Variants in LRRC4C observed in about 807,000 individuals in gnomAD.
LRRC4C encodes the protein leucine rich repeat containing 4C, also known as leucine-rich repeat-containing protein 4C.
Under a neutral mutation model 33.6 loss-of-function variants are expected in LRRC4C, and 5 were observed. The ratio of observed to expected loss-of-function variants is 0.15; its 90% CI spans 0.08 to 0.31. LRRC4C has a LOEUF of 0.31. Among genes scored for constraint, LRRC4C ranks in the 10% least tolerant of loss-of-function variants. The pLI, the probability that LRRC4C is intolerant of heterozygous loss-of-function variation, is 1.00. For missense variants in LRRC4C, 560 were observed against 796.7 expected, an observed-to-expected ratio of 0.70 and a Z score of 3.58; for synonymous variants, 329 against 302.0, an observed-to-expected ratio of 1.09 and a Z score of -0.93.
intron 3 of LRRC4C, among the ~76,000 whole-genome samples, chr11:40,390,260 A>C (rs1949284797): frequency 6.6e-6 from 1 of 152,204 alleles, no homozygotes; most frequent in Non-Finnish European, 1.5e-5. Context: ...GAGACAGTTA[A>C]AGAAGCATCA....
chr11:40,305,796 T>C (rs1944999947), intron 4 of LRRC4C, among the ~76,000 whole-genome samples: 2 of 152,262 alleles, frequency 1.3e-5, no homozygotes, highest in Admixed American at 6.5e-5. Flanking sequence ...AATAACCGGT[T>C]ACACCTGTTC....
intron 2 of LRRC4C, among the ~76,000 whole-genome samples, chr11:40,718,302 G>A: frequency 6.6e-6 from 1 of 152,122 alleles, no homozygotes; most frequent in Admixed American, 6.6e-5. Context: ...CAGGGATACA[G>A]CTAAACATTT....
intron 2 of LRRC4C, among the ~76,000 whole-genome samples, chr11:40,682,662 C>T (rs1229303679): frequency 6.6e-6 from 1 of 151,748 alleles, no homozygotes; most frequent in Non-Finnish European, 1.5e-5. Context: ...GTAATCCCAG[C>T]TACTTGGGAG....
At chr11:40,831,075 G>A (rs898762757) in intron 2 of LRRC4C, among the ~76,000 whole-genome samples, 3 of 152,074 alleles carry the variant, frequency 2.0e-5, no homozygotes, top group African/African-American at 4.8e-5. Context: ...TCACACAGTA[G>A]GCAATGGGTA....
intron 3 of LRRC4C, among the ~76,000 whole-genome samples, chr11:40,325,268 C>T (rs556569458): frequency 6.6e-6 from 1 of 152,214 alleles, no homozygotes; most frequent in African/African-American, 2.4e-5. Context: ...GAAACTACTT[C>T]AGTATTATTA....
intron 4 of LRRC4C, among the ~76,000 whole-genome samples, chr11:40,313,895 G>A (rs1308706107): frequency 6.6e-6 from 1 of 151,996 alleles, no homozygotes; most frequent in Non-Finnish European, 1.5e-5. Context: ...TTACAGGCGT[G>A]AGCCGCCGCG....
intron 5 of LRRC4C, among the ~76,000 whole-genome samples, chr11:40,145,384 T>G (rs563405889): frequency 6.6e-6 from 1 of 152,314 alleles, no homozygotes; most frequent in Admixed American, 6.5e-5. Context: ...TTCTAGGATC[T>G]ATGGAAATCC....
intron 2 of LRRC4C, among the ~76,000 whole-genome samples, chr11:40,726,456 A>G (rs2136731509): frequency 6.6e-6 from 1 of 152,350 alleles, no homozygotes; most frequent in Middle Eastern, 3.4e-3. Context: ...ATTTGTCACA[A>G]TCAAGTAGCC....
Position 41,345,280 on chromosome 11 carries a change from G to C in LRRC4C, c.-496+114151C>G, listed in dbSNP as rs534569138. On this transcript the variant is annotated intron_variant, in intron 1 of 6. Transcript: ENST00000528697. ...CAATTTATGACACACACTCATCTCT[G>C]ACTCAGAGAGGGAAAAATGGAAGAA... Among the ~76,000 whole-genome samples the C allele has an allele frequency of 2.6e-5, 4 of 152,252 alleles. No individual in the cohort carries two copies. In the South Asian group the frequency reaches 8.3e-4, roughly 32 times the overall value.
intron 3 of LRRC4C, among the ~76,000 whole-genome samples, chr11:40,544,508 A>G (rs1189894364): frequency 6.6e-6 from 1 of 152,114 alleles, no homozygotes; most frequent in Non-Finnish European, 1.5e-5. Flanking sequence ...AGCCCCTTAC[A>G]TATATGTAAA....
intron 1 of LRRC4C, among the ~76,000 whole-genome samples, chr11:41,243,351 C>T (rs778878783): frequency 9.9e-5 from 15 of 152,134 alleles, no homozygotes; most frequent in Non-Finnish European, 1.9e-4. Context: ...CATATTTTGT[C>T]AAACAATTTC....
At chr11:41,385,051 T>C (rs1461418192) in intron 1 of LRRC4C, among the ~76,000 whole-genome samples, 2 of 150,888 alleles carry the variant, frequency 1.3e-5, no homozygotes, top group East Asian at 2.0e-4. Context: ...CAGGAAATTA[T>C]GATAATTTTA....
intron 2 of LRRC4C, among the ~76,000 whole-genome samples, chr11:40,926,741 A>T (rs1396945948): frequency 6.6e-6 from 1 of 152,168 alleles, no homozygotes; most frequent in Non-Finnish European, 1.5e-5. Flanking sequence ...TAAATAAGTC[A>T]AGATAGAAGT....
chr11:41,000,313 C>T (rs1226084498), intron 1 of LRRC4C, among the ~76,000 whole-genome samples: 1 of 152,052 alleles, frequency 6.6e-6, no homozygotes, highest in African/African-American at 2.4e-5. Context: ...GAAAGGCTTA[C>T]AGGAAGGGAG....
At chr11:40,531,881 G>T (rs1956285928) in intron 3 of LRRC4C, among the ~76,000 whole-genome samples, 1 of 151,198 alleles carries the variant, frequency 6.6e-6, no homozygotes, top group East Asian at 1.9e-4. Context: ...ATCATGAAAG[G>T]TCTGGAATAA....
At chr11:40,606,938 G>C (rs557141135) in intron 3 of LRRC4C, among the ~76,000 whole-genome samples, 10 of 152,104 alleles carry the variant, frequency 6.6e-5, no homozygotes, top group African/African-American at 2.2e-4. Flanking sequence ...CAAAGATAAT[G>C]AGAGAATTTT....
chr11:40,481,972 A>G (rs1192730244), intron 3 of LRRC4C, among the ~76,000 whole-genome samples: 1 of 152,214 alleles, frequency 6.6e-6, no homozygotes, highest in Non-Finnish European at 1.5e-5. Flanking sequence ...GATATTGTGA[A>G]CATGAGGTTA....
At chr11:40,818,323 TAA>T (rs1951787588) in intron 2 of LRRC4C, among the ~76,000 whole-genome samples, 1 of 152,094 alleles carries the variant, frequency 6.6e-6, no homozygotes, top group Non-Finnish European at 1.5e-5. Flanking sequence ...TCCTGGATGC[TAA>T]GACTTTCCCT....
chr11:40,856,472 A>G (rs978166701), intron 2 of LRRC4C, among the ~76,000 whole-genome samples: 1 of 152,166 alleles, frequency 6.6e-6, no homozygotes, highest in African/African-American at 2.4e-5. Flanking sequence ...TCATTAGCGC[A>G]TTTTATCTTG....
Sources: gnomAD v4.1 joint callset for allele counts (sites outside exome capture counted in the v4.1 genomes callset) on GRCh38, gnomAD v4.1.1 for gene constraint, MANE v1.5 for transcripts, NCBI Gene and HGNC (gene_info 2026-07-23, HGNC 2026-07-21) for gene names.